The following GRIA4 variants were observed in gnomAD, a reference collection of about 807,000 sequenced individuals.
GRIA4 encodes glutamate receptor 4.
A neutral mutation model predicts 104.0 loss-of-function variants in GRIA4; 34 were observed. That is an observed-to-expected ratio of 0.33 (90% CI 0.25 to 0.44). GRIA4 has a LOEUF of 0.44. GRIA4 is among the 20% of genes least tolerant of loss of function. The probability of loss-of-function intolerance (pLI) is 1.00; values close to 1 mark genes in which losing one functional copy is unlikely to be tolerated. For synonymous variants in GRIA4, 386 were observed against 381.9 expected (o/e 1.01, Z -0.13); for missense variants, 750 against 1,096.5 (o/e 0.68, Z 4.46).
chr11:105,725,465 C>T (rs898523419), intron 3 of GRIA4, among the ~76,000 whole-genome samples: 1 of 152,128 alleles, frequency 6.6e-6, no homozygotes, highest in Non-Finnish European at 1.5e-5. Flanking sequence ...GAGCTAATAC[C>T]TGATTATAGC....
At chr11:105,687,599 G>T (rs926128036) in intron 3 of GRIA4, among the ~76,000 whole-genome samples, 1 of 152,172 alleles carries the variant, frequency 6.6e-6, no homozygotes, top group Non-Finnish European at 1.5e-5. Flanking sequence ...AAGAACTAAG[G>T]TTTCCTCCAT....
intron 3 of GRIA4, among the ~76,000 whole-genome samples, chr11:105,692,378 T>C (rs1219605691): frequency 1.3e-5 from 2 of 152,130 alleles, no homozygotes; most frequent in Non-Finnish European, 2.9e-5. Flanking sequence ...ACCAGTGCTA[T>C]TGGAGATATG....
intron 3 of GRIA4, among the ~76,000 whole-genome samples, chr11:105,688,288 G>C (rs1386272539): frequency 6.6e-6 from 1 of 152,132 alleles, no homozygotes; most frequent in Non-Finnish European, 1.5e-5. Context: ...GCTGGGCACG[G>C]CGGCTCACAC....
intron 4 of GRIA4, among the ~76,000 whole-genome samples, chr11:105,858,171 A>C (rs897875435): frequency 1.2e-4 from 18 of 152,180 alleles, no homozygotes; most frequent in Admixed American, 2.0e-4. Flanking sequence ...TAATAAAGTG[A>C]TTATGTCGAT....
chr11:105,800,550 C>T (rs984131774), intron 4 of GRIA4, among the ~76,000 whole-genome samples: 1 of 151,930 alleles, frequency 6.6e-6, no homozygotes, highest in African/African-American at 2.4e-5. Flanking sequence ...AACAAAAATA[C>T]ATAAAATTAA....
At chr11:105,610,550 G>C (rs2135232730) in intron 1 of GRIA4, 122 bp downstream of exon 1, 1 of 161,052 alleles carries the variant, frequency 6.2e-6, no homozygotes. Flanking sequence ...GCTTGCTGGG[G>C]GATGTCGGCT....
At chr11:105,960,649 T>C (rs964011344) in intron 14 of GRIA4, among the ~76,000 whole-genome samples, 2 of 152,202 alleles carry the variant, frequency 1.3e-5, no homozygotes, top group Non-Finnish European at 2.9e-5. Context: ...CAGCAGCTGG[T>C]GCTGGTTGCC....
chr11:105,711,136 T>C (rs1181087391), intron 3 of GRIA4, among the ~76,000 whole-genome samples: 1 of 152,082 alleles, frequency 6.6e-6, no homozygotes, highest in Non-Finnish European at 1.5e-5. Flanking sequence ...AGAAATATAA[T>C]GTATTATTAT....
intron 14 of GRIA4, among the ~76,000 whole-genome samples, chr11:105,961,175 T>C (rs1446225337): frequency 6.6e-6 from 1 of 152,206 alleles, no homozygotes; most frequent in Non-Finnish European, 1.5e-5. Context: ...ATCTTTCCTA[T>C]TATGAATGGT....
At chr11:105,869,722 AG>A (rs1945547899) in intron 5 of GRIA4, among the ~76,000 whole-genome samples, 1 of 152,112 alleles carries the variant, frequency 6.6e-6, no homozygotes, top group African/African-American at 2.4e-5. Flanking sequence ...TCAGTAATAA[AG>A]TGTGCTCTCT....
intron 3 of GRIA4, among the ~76,000 whole-genome samples, chr11:105,742,656 T>A (rs2135660590): frequency 6.6e-6 from 1 of 151,980 alleles, no homozygotes; most frequent in Non-Finnish European, 1.5e-5. Flanking sequence ...CCCTTTAAAG[T>A]CATATTCCTT....
At chr11:105,623,488 C>T (rs1037269639) in intron 3 of GRIA4, among the ~76,000 whole-genome samples, 2 of 151,998 alleles carry the variant, frequency 1.3e-5, no homozygotes, top group Non-Finnish European at 1.5e-5. Context: ...CAACTCTTTA[C>T]CATGGCCCTG....
At chr11:105,638,582 TTC>T (rs1951273650) in intron 3 of GRIA4, among the ~76,000 whole-genome samples, 1 of 151,732 alleles carries the variant, frequency 6.6e-6, no homozygotes, top group Non-Finnish European at 1.5e-5. Flanking sequence ...CCATACTAGT[TTC>T]TCCCATAGCA....
intron 5 of GRIA4, among the ~76,000 whole-genome samples, chr11:105,872,427 A>G (rs1297683503): frequency 6.6e-6 from 1 of 152,116 alleles, no homozygotes; most frequent in Non-Finnish European, 1.5e-5. Context: ...AGAATCACAG[A>G]ATCATAGACT....
intron 4 of GRIA4, among the ~76,000 whole-genome samples, chr11:105,798,601 A>G (rs1942588648): frequency 6.6e-6 from 1 of 152,196 alleles, no homozygotes; most frequent in Non-Finnish European, 1.5e-5. Context: ...GGGTGTGGAC[A>G]GAGACACAGA....
rs563608623 is a variant in GRIA4 at position 105,827,125 on chromosome 11, TTACAC to T, written c.488-34895_488-34891del. Reference sequence around the variant, plus strand: ...CAAGAACTGTGATGGATCTCAGACTTTACACTACTGACAAGCTAACAAGTTATCCT... The same window carrying T: ...CAAGAACTGTGATGGATCTCAGACTTTACTGACAAGCTAACAAGTTATCCT... On this transcript the variant is annotated intron_variant, in intron 4 of 16. Transcript: ENST00000282499. Among the ~76,000 whole-genome samples, 71 of 152,110 alleles carry T rather than the reference TTACAC, an allele frequency of 4.7e-4. No individual in the cohort carries two copies. In the South Asian group the frequency reaches 8.1e-3, roughly 17 times the overall value.
chr11:105,843,215 C>A (rs1457471782), intron 4 of GRIA4, among the ~76,000 whole-genome samples: 1 of 152,170 alleles, frequency 6.6e-6, no homozygotes, highest in Non-Finnish European at 1.5e-5. Context: ...ATTAAATTGT[C>A]ACTATGATTC....
intron 4 of GRIA4, among the ~76,000 whole-genome samples, chr11:105,795,331 C>T (rs1374166654): frequency 2.6e-5 from 4 of 152,068 alleles, no homozygotes; most frequent in Non-Finnish European, 5.9e-5. Flanking sequence ...AGGAAGAATA[C>T]GATGTTATCA....
At chr11:105,746,528 A>G (rs189932723) in intron 3 of GRIA4, among the ~76,000 whole-genome samples, 189 of 152,194 alleles carry the variant, frequency 1.2e-3, no homozygotes, top group Non-Finnish European at 2.2e-3. Flanking sequence ...CTGCACTATC[A>G]GGATTGACAA....
Sources: allele counts gnomAD v4.1 joint callset (sites outside exome capture counted in the v4.1 genomes callset), GRCh38; gene constraint gnomAD v4.1.1; transcripts MANE v1.5; gene names NCBI Gene and HGNC (gene_info 2026-07-23, HGNC 2026-07-21).